TTLL5: variants seen among roughly 807,000 people sequenced by gnomAD.
TTLL5 encodes the protein tubulin polyglutamylase TTLL5.
In TTLL5, 132 loss-of-function variants were observed where a neutral mutation model predicts 168.4. The observed-to-expected ratio is 0.78, with a 90% CI of 0.68 to 0.91. The LOEUF is 0.91. Among genes scored for constraint, TTLL5 ranks in the 40% least tolerant of loss-of-function variants. TTLL5 has a pLI of 0.00. For synonymous variants in TTLL5, 546 were observed against 558.6 expected, an observed-to-expected ratio of 0.98 and a Z score of 0.32; for missense variants, 1,545 against 1,581.5, an observed-to-expected ratio of 0.98 and a Z score of 0.39.
intron 9 of TTLL5, among the ~76,000 whole-genome samples, chr14:75,714,461 A>AT (rs1195213985): frequency 3.3e-5 from 5 of 152,062 alleles, no homozygotes; most frequent in Admixed American, 6.6e-5. Flanking sequence ...CCAAATGATG[A>AT]TTTTTTAATT....
chr14:75,750,090 G>A (rs1328297951), intron 17 of TTLL5, among the ~76,000 whole-genome samples: 2 of 151,880 alleles, frequency 1.3e-5, no homozygotes, highest in Admixed American at 6.6e-5. Flanking sequence ...TGACTTGTCC[G>A]TAACCACACA....
intron 3 of TTLL5, among the ~76,000 whole-genome samples, chr14:75,680,502 A>G (rs995350452): frequency 6.6e-6 from 1 of 152,058 alleles, no homozygotes; most frequent in South Asian, 2.1e-4. Flanking sequence ...TGAGAAACAA[A>G]CCAACCATGT....
At chr14:75,682,808 C>A (rs1418702476) in intron 4 of TTLL5, among the ~76,000 whole-genome samples, 2 of 150,686 alleles carry the variant, frequency 1.3e-5, no homozygotes, top group Non-Finnish European at 2.9e-5. Context: ...ACTGAGTTAC[C>A]CAGGCAGGAG....
chr14:75,893,663 A>C (rs1282679258), intron 30 of TTLL5, among the ~76,000 whole-genome samples: 1 of 151,860 alleles, frequency 6.6e-6, no homozygotes, highest in Non-Finnish European at 1.5e-5. Context: ...CTAAAAATAC[A>C]AAAAATTAGC....
At chr14:75,703,896 A>G (rs983261669) in intron 7 of TTLL5, among the ~76,000 whole-genome samples, 5 of 152,100 alleles carry the variant, frequency 3.3e-5, no homozygotes, top group East Asian at 1.9e-4. Context: ...TGTATCTCCA[A>G]TTTTCATAAT....
At chr14:75,685,765 A>G (rs1315152259) in intron 5 of TTLL5, among the ~76,000 whole-genome samples, 1 of 152,212 alleles carries the variant, frequency 6.6e-6, no homozygotes, top group Non-Finnish European at 1.5e-5. Flanking sequence ...TTCCAGGTAA[A>G]TATGTACCTA....
At chr14:75,739,595 G>A (rs1237739979) in intron 15 of TTLL5, among the ~76,000 whole-genome samples, 1 of 151,996 alleles carries the variant, frequency 6.6e-6, no homozygotes, top group Non-Finnish European at 1.5e-5. Flanking sequence ...AAATTGTATG[G>A]CATGGTACTG....
At chr14:75,859,061 G>A (rs896569663) in intron 28 of TTLL5, among the ~76,000 whole-genome samples, 1 of 152,214 alleles carries the variant, frequency 6.6e-6, no homozygotes, top group Non-Finnish European at 1.5e-5. Context: ...CTTGTGTTTG[G>A]CTGGACTTGG....
intron 31 of TTLL5, among the ~76,000 whole-genome samples, chr14:75,904,764 T>C (rs1247692739): frequency 6.6e-6 from 1 of 152,230 alleles, no homozygotes; most frequent in Non-Finnish European, 1.5e-5. Context: ...ACTGCTTTTG[T>C]CACCAATAGG....
intron 29 of TTLL5, among the ~76,000 whole-genome samples, chr14:75,868,114 A>G (rs971805916): frequency 6.6e-6 from 1 of 152,116 alleles, no homozygotes; most frequent in African/African-American, 2.4e-5. Flanking sequence ...GGACAGAGCG[A>G]TTACTCAGTA....
intron 28 of TTLL5, among the ~76,000 whole-genome samples, chr14:75,851,404 A>C (rs181616188): frequency 6.6e-6 from 1 of 152,268 alleles, no homozygotes; most frequent in East Asian, 1.9e-4. Context: ...GTTTTGTTTC[A>C]TTTTGAAAAG....
chr14:75,860,470 A>G (rs1897341368), intron 28 of TTLL5, among the ~76,000 whole-genome samples: 2 of 152,236 alleles, frequency 1.3e-5, no homozygotes, highest in Non-Finnish European at 1.5e-5. Flanking sequence ...CTGAGTCTAG[A>G]TTGCTTTCTG....
At position 75,764,570 on chromosome 14, in the gene TTLL5, G is replaced by T. The variant is rs779282843; in HGVS notation, c.1551-45G>T. 15 of 1,607,732 alleles carry T rather than the reference G, an allele frequency of 9.3e-6. No homozygotes were observed. In the South Asian group the frequency reaches 1.7e-4, roughly 18 times the overall value. ...GGAAGCTTAGCCTTGGAATGAAGGA[G>T]AGAACTTTCTGAAGGCCATAGCTAC... On this transcript the variant is annotated intron_variant, in intron 18 of 31. Transcript: ENST00000298832.
intron 27 of TTLL5, among the ~76,000 whole-genome samples, chr14:75,811,156 A>AGAGAGAGTGTGTGT (rs60194482): frequency 1.7e-5 from 2 of 116,624 alleles, no homozygotes; most frequent in African/African-American, 3.4e-5. Flanking sequence ...TGAAAGAAAG[A>AGAGAGAGTGTGTGT]GTGTGTGTGT....
chr14:75,674,182 C>G (rs536285718), intron 3 of TTLL5, among the ~76,000 whole-genome samples: 22 of 152,288 alleles, frequency 1.4e-4, no homozygotes, highest in African/African-American at 5.3e-4. Context: ...AGCCACCAAA[C>G]TTTTCTCAAA....
intron 2 of TTLL5, among the ~76,000 whole-genome samples, chr14:75,664,530 T>C (rs1375095814): frequency 6.6e-6 from 1 of 152,228 alleles, no homozygotes; most frequent in Admixed American, 6.5e-5. Flanking sequence ...TAAGGCATTA[T>C]TTTTACTGGT....
At chr14:75,816,167 A>T (rs1894378482) in intron 27 of TTLL5, among the ~76,000 whole-genome samples, 1 of 152,218 alleles carries the variant, frequency 6.6e-6, no homozygotes, top group Admixed American at 6.5e-5. Flanking sequence ...CTTCAAGATC[A>T]TGCAAGAACC....
intron 5 of TTLL5, among the ~76,000 whole-genome samples, chr14:75,687,463 G>A (rs192010044): frequency 1.5e-4 from 23 of 152,026 alleles, no homozygotes; most frequent in Admixed American, 1.1e-3. Context: ...TAGTAGAGAC[G>A]GGGTTTCATC....
chr14:75,667,945 G>C (rs13379381), intron 2 of TTLL5, among the ~76,000 whole-genome samples: 7 of 151,852 alleles, frequency 4.6e-5, no homozygotes, highest in African/African-American at 1.7e-4. Context: ...ATTTTTAGTA[G>C]AGACGGGGTT....
Sources: gnomAD v4.1 joint callset for allele counts (sites outside exome capture counted in the v4.1 genomes callset) on GRCh38, gnomAD v4.1.1 for gene constraint, MANE v1.5 for transcripts, NCBI Gene and HGNC (gene_info 2026-07-23, HGNC 2026-07-21) for gene names.